The following MYOG variants were observed in gnomAD, a reference collection of about 807,000 sequenced individuals.
MYOG encodes class C basic helix-loop-helix protein 3.
In MYOG, 6 loss-of-function variants were observed where a neutral mutation model predicts 17.7. The ratio of observed to expected loss-of-function variants is 0.34; its 90% CI spans 0.19 to 0.67. The LOEUF is 0.67. Among genes scored for constraint, MYOG ranks in the 30% least tolerant of loss-of-function variants. The pLI is 0.69. For missense variants in MYOG, 272 were observed against 302.0 expected (o/e 0.90, Z 0.74); for synonymous variants, 125 against 130.2 (o/e 0.96, Z 0.27).
At position 203,085,800 on chromosome 1, in the gene MYOG, C is replaced by T. The variant is rs1653608286; in HGVS notation, c.162G>A (p.Gly54=). 1.2e-6 allele frequency: 2 copies of T among 1,613,776 alleles called. No individual in the cohort carries two copies. The highest frequency in any genetic ancestry group is 2.2e-5 in the South Asian group (2 of 91,072). Residue 54 remains glycine, a synonymous_variant, in exon 1 of 3, where the codon GGG becomes GGA. Coordinates refer to ENST00000241651, the MANE Select transcript of MYOG (RefSeq NM_002479.6). ...CTGGACAGTGCTCGGGGGTCCCCAG[C>T]CCCTTGTCCTCAAGGGGCCCTGGGG... is the stretch of plus-strand genomic sequence containing the variant. The part of the protein sequence containing the change: ...PEAPGPLEDK[G]LGTPEHCPGQ...
intron 1 of MYOG, 33 bp downstream of exon 1, chr1:203,085,458 C>T (rs1653593462): frequency 1.3e-6 from 2 of 1,576,464 alleles, no homozygotes; most frequent in Non-Finnish European, 1.7e-6. Flanking sequence ...TGGCCCCGTC[C>T]CCTTGGGGCA....
chr1:203,084,068 C>T (rs1013259957), intron 2 of MYOG, 37 bp from the exon 3 acceptor site: 1 of 1,581,710 alleles, frequency 6.3e-7, no homozygotes, highest in Non-Finnish European at 8.6e-7. Context: ...CCTGGGTGAG[C>T]AGTGGGGGTT....
At chr1:203,085,079 A>G (rs528341207) in intron 1 of MYOG, among the ~76,000 whole-genome samples, 26 of 152,250 alleles carry the variant, frequency 1.7e-4, no homozygotes, top group African/African-American at 5.8e-4. Context: ...TGGAGTTCCA[A>G]TGAGACTGAG....
Position 203,085,781 on chromosome 1 carries a change from A to C in MYOG, c.181T>G (p.Cys61Gly). The C allele has an allele frequency of 6.2e-7, 1 of 1,613,822 alleles. No homozygotes were observed. Among genetic ancestry groups the C allele is most frequent in the Non-Finnish European group, 8.5e-7 (1 of 1,179,846 alleles). ...EDKGLGTPEH[C>G]PGQCLPWACK... ...GCCCACGGCAGGCACTGGCCTGGAC[A>C]GTGCTCGGGGGTCCCCAGCCCCTTG... Residue 61 changes from cysteine (C) to glycine (G), a missense_variant, in exon 1 of 3, where the codon TGT (cysteine) becomes GGT (glycine). Transcript: ENST00000241651.
In MYOG at chr1:203,084,153, G is replaced by C. The variant is rs890694313; in HGVS notation, c.554-122C>G. The stretch of plus-strand genomic sequence containing the variant: ...CAGGACAGATGAATGACAAAGCTCC[G>C]GAGTTCTACTCCCTAGTCCCTGCCT... On this transcript the variant is annotated intron_variant, in intron 2 of 2. Coordinates refer to ENST00000241651, the MANE Select transcript of MYOG (RefSeq NM_002479.6). 1.0e-5 allele frequency: 13 copies of C among 1,272,518 alleles called. No individual in the cohort carries two copies. The Admixed American group carries it at 2.7e-4, about 27-fold the overall frequency. 78.8% of individuals were successfully genotyped at this position (1,272,518 alleles called of 1,614,324 possible).
intron 1 of MYOG, 103 bp from the exon 2 acceptor site, chr1:203,084,831 G>T: frequency 1.7e-6 from 2 of 1,204,876 alleles, no homozygotes; most frequent in South Asian, 1.4e-5. Flanking sequence ...GGGTTGGAGG[G>T]TGGGCCACAG....
rs1200634657 is a variant in MYOG at position 203,084,681 on chromosome 1, C to T, written c.519G>A (p.Trp173Ter). 1.2e-6 allele frequency: 2 copies of T among 1,611,630 alleles called. No homozygotes were observed. Among genetic ancestry groups the T allele is most frequent in the South Asian group, 1.1e-5 (1 of 90,430 alleles). Reference protein sequence around the residue: ...SSHSASCSPEWGSALEFSANP... With the variant: ...SSHSASCSPE ...TGGCGCTGAACTCCAGTGCACTGCC[C>T]CACTCTGGACTGCAGGAGGCGCTGT... Residue 173 changes from tryptophan (W) to a stop codon, truncating the protein, a stop_gained, in exon 2 of 3, where the codon TGG (tryptophan) becomes TGA (stop). Coordinates refer to ENST00000241651, the MANE Select transcript of MYOG (RefSeq NM_002479.6). LOFTEE classifies it high-confidence loss of function.
chr1:203,085,186 G>C (rs1653588200), intron 1 of MYOG, among the ~76,000 whole-genome samples: 1 of 152,172 alleles, frequency 6.6e-6, no homozygotes, highest in Admixed American at 6.5e-5. Context: ...TCAGGCGCTG[G>C]GATTAATCCT....
At position 203,085,690 on chromosome 1, in the gene MYOG, T is replaced by G. The variant is rs918265601; in HGVS notation, c.272A>C (p.Lys91Thr). The G allele has an allele frequency of 6.2e-7, 1 of 1,614,166 alleles. No individual in the cohort carries two copies. Among genetic ancestry groups the G allele is most frequent in the African/African-American group, 1.3e-5 (1 of 75,046 alleles). ...CTCATTCACCTTCTTGAGCCTGCGCTTCTCCCTCAGTGTGGCCGCCCGCCG... is the reference window on the plus strand; with the variant it reads ...CTCATTCACCTTCTTGAGCCTGCGCGTCTCCCTCAGTGTGGCCGCCCGCCG... ...DRRRAATLRE[K>T]RRLKKVNEAF... The change falls in exon 1 of 3, where the codon AAG (lysine) becomes ACG (threonine). Residue 91 changes from lysine (K) to threonine (T), a missense_variant. Transcript: ENST00000241651.
In MYOG at chr1:203,084,743, G is replaced by A. The variant is rs761175827; in HGVS notation, c.472-15C>T. The stretch of plus-strand genomic sequence containing the variant: ...TCGCTGGGCACCTGCAAGACAGGGC[G>A]AAGGCCCAAGGTCGGGGCACAGCCA... On this transcript the variant is annotated splice_polypyrimidine_tract_variant and intron_variant, in intron 1 of 2. Transcript: ENST00000241651. The A allele has an allele frequency of 5.6e-6, 9 of 1,598,002 alleles. No individual in the cohort carries two copies. Among genetic ancestry groups the A allele is most frequent in the Non-Finnish European group, 6.8e-6 (8 of 1,172,184 alleles).
chr1:203,085,003 C>T (rs1653584499), intron 1 of MYOG, among the ~76,000 whole-genome samples: 1 of 152,202 alleles, frequency 6.6e-6, no homozygotes, highest in Non-Finnish European at 1.5e-5. Context: ...GTTCTCCTGA[C>T]TCTGGCGATA....
At chr1:203,084,841 G>T in intron 1 of MYOG, 113 bp from the exon 2 acceptor site, 5 of 1,089,344 alleles carry the variant, frequency 4.6e-6, no homozygotes, top group Admixed American at 2.1e-5. Flanking sequence ...GTGGGCCACA[G>T]GCTGTGGCCT....
intron 2 of MYOG, 30 bp from the exon 3 acceptor site, chr1:203,084,061 G>A (rs745590918): frequency 3.0e-5 from 48 of 1,585,850 alleles, no homozygotes; most frequent in South Asian, 2.3e-4. Flanking sequence ...GGTGGTACCT[G>A]GGTGAGCAGT....
At chr1:203,084,084 G>A in intron 2 of MYOG, 53 bp from the exon 3 acceptor site, 1 of 1,570,400 alleles carries the variant, frequency 6.4e-7, no homozygotes, top group South Asian at 1.2e-5. Context: ...GGGTTCTTGA[G>A]GCCCAGAATA....
intron 1 of MYOG, among the ~76,000 whole-genome samples, chr1:203,085,220 G>A (rs1653588892): frequency 6.6e-6 from 1 of 152,208 alleles, no homozygotes; most frequent in Non-Finnish European, 1.5e-5. Flanking sequence ...GCTGACTGTG[G>A]CCTTGCTCCT....
chr1:203,083,748 T>G lies in MYOG; in HGVS notation c.*162A>C. On this transcript the variant is annotated 3_prime_UTR_variant, in exon 3 of 3. Transcript: ENST00000241651. ...TCCAGTCCCTTGCTGGGGGGTGGGTTAACCTTACATGGATGAGGAAGGGGA... is the reference window on the plus strand; with the variant it reads ...TCCAGTCCCTTGCTGGGGGGTGGGTGAACCTTACATGGATGAGGAAGGGGA... 1 of 1,118,210 alleles carries G rather than the reference T, an allele frequency of 8.9e-7. No individual in the cohort carries two copies. 69.3% of individuals were successfully genotyped at this position (1,118,210 alleles called of 1,614,324 possible).
intron 1 of MYOG, 46 bp downstream of exon 1, chr1:203,085,445 C>G (rs1252157098): frequency 1.3e-6 from 2 of 1,537,274 alleles, no homozygotes; most frequent in Non-Finnish European, 1.8e-6. Flanking sequence ...AGGTGCCTCC[C>G]TCTGGCCCCG....
chr1:203,085,489 A>G lies in MYOG; in HGVS notation c.471+2T>C. 1 of 1,609,000 alleles carries G rather than the reference A, an allele frequency of 6.2e-7. No homozygotes were observed. Among genetic ancestry groups the G allele is most frequent in the Non-Finnish European group, 8.5e-7 (1 of 1,177,116 alleles). On this transcript the variant is annotated splice_donor_variant, in intron 1 of 2. Coordinates refer to ENST00000241651, the MANE Select transcript of MYOG (RefSeq NM_002479.6). LOFTEE classifies it high-confidence loss of function. ...GGGCAGGGGGATGGGATGGCCACTT[A>G]CCCCTGGCTGGGGCCCGCCCCCGCC...
chr1:203,083,965 C>G lies in MYOG; in HGVS notation c.620G>C (p.Ser207Thr). ...NLHSLTSIVD[S>T]ITVEDVSVAF... ...CACAGACACATCTTCCACTGTGATG[C>G]TGTCCACGATGGAGGTGAGGGAGTG... The change falls in exon 3 of 3, where the codon AGC becomes ACC. Residue 207 changes from serine to threonine, a missense_variant. Physicochemically the swap from Ser to Thr is moderately conservative, Grantham distance 58. Coordinates refer to ENST00000241651, the MANE Select transcript of MYOG (RefSeq NM_002479.6). 3 of 1,592,488 alleles carry G rather than the reference C, an allele frequency of 1.9e-6. 1 individual carries two copies. In the Admixed American group the frequency reaches 5.3e-5, roughly 28 times the overall value.
Sources: gnomAD v4.1 joint callset for allele counts (sites outside exome capture counted in the v4.1 genomes callset) on GRCh38, gnomAD v4.1.1 for gene constraint, MANE v1.5 for transcripts, NCBI Gene and HGNC (gene_info 2026-07-23, HGNC 2026-07-21) for gene names.